Variants in LSAMP observed in about 807,000 individuals in gnomAD.
LSAMP encodes the protein limbic system-associated membrane protein.
In LSAMP, 7 loss-of-function variants were observed where a neutral mutation model predicts 38.6. The observed-to-expected ratio is 0.18, with a 90% CI of 0.10 to 0.34. The LOEUF is 0.34. Among genes scored for constraint, LSAMP ranks in the 10% least tolerant of loss-of-function variants. The pLI is 1.00. For missense variants in LSAMP, 313 were observed against 420.0 expected, an observed-to-expected ratio of 0.75 and a Z score of 2.23; for synonymous variants, 154 against 166.8, an observed-to-expected ratio of 0.92 and a Z score of 0.59.
chr3:115,921,426 A>T (rs187094027), intron 3 of LSAMP, among the ~76,000 whole-genome samples: 17 of 152,258 alleles, frequency 1.1e-4, no homozygotes, highest in Non-Finnish European at 2.4e-4. Flanking sequence ...TCTATTGCAT[A>T]CAAATTCTCC....
At chr3:116,330,177 G>A (rs2107739872) in intron 1 of LSAMP, among the ~76,000 whole-genome samples, 1 of 152,270 alleles carries the variant, frequency 6.6e-6, no homozygotes, top group African/African-American at 2.4e-5. Flanking sequence ...TTTGTCTGAT[G>A]TAATATTTTG....
Position 115,991,893 on chromosome 3 carries a change from A to G in LSAMP, c.514+27622T>C, listed in dbSNP as rs1939680252. ...AAGCTCCAATGGCAGGAATAAGGCC[A>G]TGCCATGCCCCAGGGTAAAGGAGAA... On this transcript the variant is annotated intron_variant, in intron 3 of 6. Transcript: ENST00000490035. 2.0e-5 allele frequency among the ~76,000 whole-genome samples: 3 copies of G among 152,054 alleles called. No homozygotes were observed. The South Asian group carries it at 6.2e-4, about 31-fold the overall frequency.
Position 115,803,788 on chromosome 3 carries a change from A to T in LSAMP, c.*6529T>A, listed in dbSNP as rs1405404806. 6.6e-6 allele frequency: 1 copy of T among 152,174 alleles called. No homozygotes were observed. Among genetic ancestry groups the T allele is most frequent in the African/African-American group, 2.4e-5 (1 of 41,434 alleles). 9.4% of individuals were successfully genotyped at this position (152,174 alleles called of 1,614,324 possible). A position where few individuals can be genotyped will look rare whatever the true frequency, so the allele number is the denominator to read the frequency against. On this transcript the variant is annotated 3_prime_UTR_variant, in exon 7 of 7. Coordinates refer to ENST00000490035, the MANE Select transcript of LSAMP (RefSeq NM_002338.5). ...AAATGTATTGTCTTGCCCATTTCTT[A>T]CAGTTCAGCCTTTGAACCTGCCTGG...
chr3:116,322,305 G>A (rs1026853702), intron 1 of LSAMP, among the ~76,000 whole-genome samples: 3 of 152,140 alleles, frequency 2.0e-5, no homozygotes, highest in African/African-American at 7.2e-5. Flanking sequence ...AGTACATTTT[G>A]TTATATTATT....
intron 2 of LSAMP, among the ~76,000 whole-genome samples, chr3:116,068,409 G>T (rs1576343700): frequency 1.3e-5 from 2 of 151,896 alleles, no homozygotes; most frequent in African/African-American, 4.8e-5. Flanking sequence ...TAACCTGTAG[G>T]CCTGCTTTGG....
rs146405574 is a variant in LSAMP at position 116,357,933 on chromosome 3, G to A, written c.155+86944C>T. On this transcript the variant is annotated intron_variant, in intron 1 of 6. Transcript: ENST00000490035. Reference sequence around the variant, plus strand: ...ACAGAATTAAAAAAAAAAAAAAAGAGGTTGAACACCTAGGTCTTAGGAAAG... The same window carrying A: ...ACAGAATTAAAAAAAAAAAAAAAGAAGTTGAACACCTAGGTCTTAGGAAAG... 2.9e-4 allele frequency among the ~76,000 whole-genome samples: 43 copies of A among 150,534 alleles called. No homozygotes were observed. In the East Asian group the frequency reaches 6.6e-3, roughly 23 times the overall value.
At chr3:116,175,257 T>C (rs1387888277) in intron 1 of LSAMP, among the ~76,000 whole-genome samples, 1 of 152,154 alleles carries the variant, frequency 6.6e-6, no homozygotes, top group Non-Finnish European at 1.5e-5. Flanking sequence ...ATAAACTTTT[T>C]CATTTTTAAA....
At chr3:116,338,201 T>G (rs1036908320) in intron 1 of LSAMP, among the ~76,000 whole-genome samples, 2 of 151,998 alleles carry the variant, frequency 1.3e-5, no homozygotes, top group Non-Finnish European at 2.9e-5. Flanking sequence ...GAAGAAGTGA[T>G]TGGAATTTAG....
chr3:116,313,826 C>A (rs191307892), intron 1 of LSAMP, among the ~76,000 whole-genome samples: 105 of 152,152 alleles, frequency 6.9e-4, no homozygotes, highest in African/African-American at 2.3e-3. Context: ...TGGTGGTGTG[C>A]ACCTGTAATC....
At chr3:116,185,976 T>G (rs1256181846) in intron 1 of LSAMP, among the ~76,000 whole-genome samples, 1 of 151,786 alleles carries the variant, frequency 6.6e-6, no homozygotes, top group Non-Finnish European at 1.5e-5. Flanking sequence ...AAAGGCTGCA[T>G]GAAATGTCTA....
At chr3:116,032,701 G>T (rs950788165) in intron 2 of LSAMP, among the ~76,000 whole-genome samples, 3 of 152,080 alleles carry the variant, frequency 2.0e-5, no homozygotes, top group Admixed American at 2.0e-4. Context: ...TCTTCAGGAG[G>T]TTGAGGTGGG....
chr3:115,842,649 G>A, intron 4 of LSAMP, 71 bp from the exon 5 acceptor site: 2 of 1,579,606 alleles, frequency 1.3e-6, no homozygotes, highest in Non-Finnish European at 1.7e-6. Flanking sequence ...AGGAAGGAAT[G>A]AAGAAGGACA....
intron 1 of LSAMP, among the ~76,000 whole-genome samples, chr3:116,331,041 A>C (rs2047845125): frequency 6.6e-6 from 1 of 152,202 alleles, no homozygotes; most frequent in African/African-American, 2.4e-5. Context: ...TGTATGAACA[A>C]AGTATAAATA....
chr3:116,160,128 G>T (rs1021326297), intron 1 of LSAMP, among the ~76,000 whole-genome samples: 1 of 152,130 alleles, frequency 6.6e-6, no homozygotes, highest in Non-Finnish European at 1.5e-5. Context: ...GGCTGGGCAC[G>T]GTGGCTCACA....
intron 1 of LSAMP, among the ~76,000 whole-genome samples, chr3:116,109,699 G>A (rs1338636872): frequency 1.3e-5 from 2 of 152,120 alleles, no homozygotes; most frequent in South Asian, 4.1e-4. Flanking sequence ...TTTTAGGTCA[G>A]GTGTGAGTTG....
At chr3:116,427,339 CT>C (rs2049213925) in intron 1 of LSAMP, among the ~76,000 whole-genome samples, 1 of 151,692 alleles carries the variant, frequency 6.6e-6, no homozygotes, top group Non-Finnish European at 1.5e-5. Context: ...CCAGGATGGT[CT>C]CGATCTCCTG....
At chr3:116,381,472 T>C (rs554602142) in intron 1 of LSAMP, among the ~76,000 whole-genome samples, 1 of 152,138 alleles carries the variant, frequency 6.6e-6, no homozygotes, top group Non-Finnish European at 1.5e-5. Context: ...GAGCATTCTC[T>C]ATTACGTCCC....
chr3:115,980,871 A>G (rs1294277964), intron 3 of LSAMP, among the ~76,000 whole-genome samples: 1 of 152,136 alleles, frequency 6.6e-6, no homozygotes, highest in Non-Finnish European at 1.5e-5. Context: ...AGAAAATTTA[A>G]AGGTCATTTT....
intron 3 of LSAMP, among the ~76,000 whole-genome samples, chr3:115,890,064 T>C (rs999488859): frequency 2.0e-5 from 3 of 151,920 alleles, no homozygotes; most frequent in Non-Finnish European, 4.4e-5. Flanking sequence ...ATCCCTTCAT[T>C]CTCTATAGCA....
Sources: gnomAD v4.1 joint callset for allele counts (sites outside exome capture counted in the v4.1 genomes callset) on GRCh38, gnomAD v4.1.1 for gene constraint, MANE v1.5 for transcripts, NCBI Gene and HGNC (gene_info 2026-07-23, HGNC 2026-07-21) for gene names.